The following SLK variants were observed in gnomAD, a reference collection of about 807,000 sequenced individuals.
SLK encodes the protein STE20 like kinase, also known as STE20-like serine/threonine-protein kinase.
SLK carries 67 observed loss-of-function variants against 147.7 expected under a neutral mutation model. The observed-to-expected ratio is 0.45, with a 90% confidence interval of 0.37 to 0.56. The LOEUF (loss-of-function observed/expected upper bound fraction) is 0.56, where lower values mean the gene tolerates loss of function less well. Ranked by LOEUF, SLK falls within the 20% of genes least tolerant of loss-of-function variation. The probability of loss-of-function intolerance (pLI) is 0.00; values close to 1 mark genes in which losing one functional copy is unlikely to be tolerated. For synonymous variants in SLK, 441 were observed against 475.0 expected, an observed-to-expected ratio of 0.93 and a Z score of 0.93; for missense variants, 1,136 against 1,438.8, an observed-to-expected ratio of 0.79 and a Z score of 3.41.
chr10:103,984,131 A>T (rs1476857898), intron 1 of SLK, among the ~76,000 whole-genome samples: 1 of 152,210 alleles, frequency 6.6e-6, no homozygotes, highest in African/African-American at 2.4e-5. Flanking sequence ...TGATACAAGG[A>T]TTAAATAAGT....
chr10:104,017,096 C>T (rs1844474213), intron 13 of SLK, among the ~76,000 whole-genome samples: 1 of 152,030 alleles, frequency 6.6e-6, no homozygotes, highest in South Asian at 2.1e-4. Flanking sequence ...TTAACATTTC[C>T]TTTTTTTGCA....
intron 13 of SLK, among the ~76,000 whole-genome samples, chr10:104,013,732 G>A (rs1353167425): frequency 2.6e-5 from 4 of 152,140 alleles, no homozygotes; most frequent in Admixed American, 6.5e-5. Context: ...TGGGAGGATG[G>A]CTTCTCCTGT....
intron 4 of SLK, among the ~76,000 whole-genome samples, chr10:103,997,802 C>T (rs1416314542): frequency 6.6e-6 from 1 of 151,662 alleles, no homozygotes; most frequent in Non-Finnish European, 1.5e-5. Flanking sequence ...TTAAAAGTGT[C>T]CTAGCTTATT....
intron 1 of SLK, among the ~76,000 whole-genome samples, chr10:103,985,607 TTTTG>T (rs1220877427): frequency 2.0e-5 from 3 of 152,280 alleles, no homozygotes; most frequent in East Asian, 1.9e-4. Context: ...CTTACATATT[TTTTG>T]TTTGTTTGTT....
At chr10:103,971,776 A>G (rs1175128925) in intron 1 of SLK, among the ~76,000 whole-genome samples, 1 of 152,208 alleles carries the variant, frequency 6.6e-6, no homozygotes, top group Admixed American at 6.5e-5. Context: ...CTTTGTATTA[A>G]AAAGTATGGA....
intron 1 of SLK, among the ~76,000 whole-genome samples, chr10:103,969,044 C>T (rs180741910): frequency 6.6e-6 from 1 of 152,300 alleles, no homozygotes; most frequent in Non-Finnish European, 1.5e-5. Flanking sequence ...TCTCGGCTCA[C>T]TGCAACCTCC....
In SLK at chr10:104,002,300, TAAACTC is replaced by T. The variant is rs750250468; in HGVS notation, c.1125_1130del (p.Lys375_Leu376del). ...AAACAGAACGTAGTAACTCTGAAGA[TAAACTC>T]AACAGCAAAATTCTTAATGAAAAAC... On this transcript the variant is annotated inframe_deletion, in exon 9 of 19. Coordinates refer to ENST00000369755, the MANE Select transcript of SLK (RefSeq NM_014720.4). The T allele has an allele frequency of 3.7e-6, 6 of 1,613,824 alleles. No individual in the cohort carries two copies. The highest frequency in any genetic ancestry group is 5.1e-6 in the Non-Finnish European group (6 of 1,179,808).
At chr10:104,005,485 G>A in intron 9 of SLK, 76 bp from the exon 10 acceptor site, 1 of 1,339,468 alleles carries the variant, frequency 7.5e-7, no homozygotes, top group Non-Finnish European at 1.0e-6. Flanking sequence ...AGAAAGAAAT[G>A]TTTAAGGAAG....
intron 11 of SLK, among the ~76,000 whole-genome samples, chr10:104,006,352 T>A (rs1360524159): frequency 6.6e-6 from 1 of 152,252 alleles, no homozygotes; most frequent in African/African-American, 2.4e-5. Flanking sequence ...TGCTGGGTAA[T>A]TTTTCAGTGC....
chr10:104,007,403 C>G (rs560025373), intron 11 of SLK, among the ~76,000 whole-genome samples: 1 of 151,866 alleles, frequency 6.6e-6, no homozygotes, highest in African/African-American at 2.4e-5. Context: ...GGCAGGAGTT[C>G]GAGACCAACC....
At chr10:103,996,005 A>G (rs1157124453) in intron 4 of SLK, among the ~76,000 whole-genome samples, 1 of 152,206 alleles carries the variant, frequency 6.6e-6, no homozygotes, top group Non-Finnish European at 1.5e-5. Context: ...AGGATACCTC[A>G]TAATTCATTT....
At chr10:103,991,102 A>G (rs1160265597) in intron 2 of SLK, among the ~76,000 whole-genome samples, 1 of 152,170 alleles carries the variant, frequency 6.6e-6, no homozygotes, top group Non-Finnish European at 1.5e-5. Context: ...TTTGGTTAAG[A>G]ATAATAAATT....
At chr10:103,982,976 T>C (rs1843966107) in intron 1 of SLK, among the ~76,000 whole-genome samples, 1 of 152,228 alleles carries the variant, frequency 6.6e-6, no homozygotes, top group African/African-American at 2.4e-5. Flanking sequence ...ATTTCTCTTT[T>C]GTAAAATAAA....
At chr10:103,978,770 A>G (rs1843902866) in intron 1 of SLK, among the ~76,000 whole-genome samples, 1 of 152,174 alleles carries the variant, frequency 6.6e-6, no homozygotes, top group Non-Finnish European at 1.5e-5. Context: ...TTATAAGATG[A>G]TCAACTTTTC....
intron 12 of SLK, among the ~76,000 whole-genome samples, chr10:104,008,711 C>T (rs1239180543): frequency 6.6e-6 from 1 of 152,178 alleles, no homozygotes; most frequent in African/African-American, 2.4e-5. Flanking sequence ...CTTAATGCAA[C>T]ACATTTAAGT....
chr10:104,010,865 T>C lies in SLK; in HGVS notation c.2834T>C (p.Met945Thr), dbSNP rs1470139774. ...CCCAAAGAGCTGAGAAAAGAGCTCATGAAACGCAGGAAAGAGGAGCTTGCA... is the reference window on the plus strand; with the variant it reads ...CCCAAAGAGCTGAGAAAAGAGCTCACGAAACGCAGGAAAGAGGAGCTTGCA... Reference protein sequence around the residue: ...KAPKELRKELMKRRKEELAQS... With the variant: ...KAPKELRKELTKRRKEELAQS... Residue 945 changes from methionine (M) to threonine (T), a missense_variant, in exon 13 of 19, where the codon ATG (methionine) becomes ACG (threonine). Met to Thr is a moderately conservative substitution (Grantham distance 81, BLOSUM62 -1). Around this residue, in one of 6 missense-constraint regions of SLK, gnomAD observed 327 missense variants for 457.5 expected, o/e 0.71. Coordinates refer to ENST00000369755, the MANE Select transcript of SLK (RefSeq NM_014720.4). The C allele has an allele frequency of 1.7e-5, 27 of 1,600,250 alleles. No individual in the cohort carries two copies. Among genetic ancestry groups the C allele is most frequent in the Non-Finnish European group, 2.2e-5 (26 of 1,176,200 alleles).
At chr10:103,986,678 T>G (rs1321720536) in intron 1 of SLK, among the ~76,000 whole-genome samples, 1 of 141,148 alleles carries the variant, frequency 7.1e-6, no homozygotes, top group African/African-American at 2.6e-5. Flanking sequence ...GTTTTTTTTT[T>G]TTTTTTTTTT....
At chr10:103,999,729 T>C (rs1227858640) in intron 6 of SLK, 138 bp from the exon 7 acceptor site, 1 of 505,472 alleles carries the variant, frequency 2.0e-6, no homozygotes, top group Non-Finnish European at 3.6e-6. Context: ...ATCTTAATAG[T>C]CTCATTAACT....
chr10:103,976,400 TG>T (rs1483833151), intron 1 of SLK, among the ~76,000 whole-genome samples: 6 of 152,300 alleles, frequency 3.9e-5, no homozygotes, highest in Non-Finnish European at 1.5e-5. Flanking sequence ...AGTTGCTCTG[TG>T]TCTTCACTTA....
Sources: allele counts gnomAD v4.1 joint callset (sites outside exome capture counted in the v4.1 genomes callset), GRCh38; gene constraint gnomAD v4.1.1; regional missense constraint gnomAD v4.1.1; transcripts MANE v1.5; gene names NCBI Gene and HGNC (gene_info 2026-07-23, HGNC 2026-07-21).